Variants in ARHGEF3 observed in about 807,000 individuals in gnomAD.
ARHGEF3 encodes the protein Rho guanine nucleotide exchange factor 3, also known as 59.8 kDA protein.
Under a neutral mutation model 63.2 loss-of-function variants are expected in ARHGEF3, and 28 were observed. That is an observed-to-expected ratio of 0.44 (90% CI 0.33 to 0.61). The LOEUF (loss-of-function observed/expected upper bound fraction) is 0.61, where lower values mean the gene tolerates loss of function less well. ARHGEF3 is among the 20% of genes least tolerant of loss of function. The pLI is 0.03. For missense variants in ARHGEF3, 533 were observed against 659.3 expected (o/e 0.81, Z 2.10); for synonymous variants, 266 against 254.2 (o/e 1.05, Z -0.44).
chr3:56,969,373 CTTTTTTTCTT>C (rs1700805639), intron 2 of ARHGEF3, among the ~76,000 whole-genome samples: 2 of 113,734 alleles, frequency 1.8e-5, no homozygotes, highest in Non-Finnish European at 3.8e-5. Context: ...AAGAAGTGTT[CTTTTTTTCTT>C]ATTGATTGAT....
intron 3 of ARHGEF3, among the ~76,000 whole-genome samples, chr3:56,906,846 AAAG>A (rs916679639): frequency 4.6e-5 from 7 of 151,510 alleles, no homozygotes; most frequent in African/African-American, 1.7e-4. Flanking sequence ...CAAAAAAAAA[AAAG>A]AAAGAAAGAA....
intron 1 of ARHGEF3, among the ~76,000 whole-genome samples, chr3:56,780,632 T>TTGTC (rs138313905): frequency 0.09 from 13,624 of 152,222 alleles, 764 homozygotes; most frequent in East Asian, 0.24. Flanking sequence ...CTCTGTCTTG[T>TTGTC]TGTCTTTCAT....
intron 1 of ARHGEF3, among the ~76,000 whole-genome samples, chr3:57,059,644 C>A (rs1371955266): frequency 6.6e-6 from 1 of 152,156 alleles, no homozygotes; most frequent in Non-Finnish European, 1.5e-5. Flanking sequence ...AAGCACATTT[C>A]CTCTTCTGCA....
chr3:56,810,755 T>C (rs1280646138), intron 4 of ARHGEF3, among the ~76,000 whole-genome samples: 3 of 152,278 alleles, frequency 2.0e-5, no homozygotes, highest in South Asian at 2.1e-4. Flanking sequence ...TGCTGTGAAA[T>C]TGACTAAGAA....
chr3:56,749,882 G>A (rs775442530), intron 6 of ARHGEF3, among the ~76,000 whole-genome samples: 5 of 150,052 alleles, frequency 3.3e-5, no homozygotes, highest in African/African-American at 1.0e-4. Flanking sequence ...ATTGAGAAAC[G>A]TAAGTTAAAA....
chr3:56,970,384 A>C (rs899022965), intron 2 of ARHGEF3, among the ~76,000 whole-genome samples: 8 of 152,228 alleles, frequency 5.3e-5, no homozygotes, highest in African/African-American at 1.9e-4. Flanking sequence ...AATTCAGTAA[A>C]TAAGCTGAGA....
At chr3:57,016,983 G>A (rs1231337745) in intron 2 of ARHGEF3, among the ~76,000 whole-genome samples, 1 of 149,180 alleles carries the variant, frequency 6.7e-6, no homozygotes, top group African/African-American at 2.6e-5. Flanking sequence ...TGGTGGGGGA[G>A]AGAGAGGAAA....
chr3:56,906,975 ATTTTTTT>A (rs368006965), intron 3 of ARHGEF3, among the ~76,000 whole-genome samples: 5 of 72,366 alleles, frequency 6.9e-5, no homozygotes, highest in Admixed American at 3.4e-4. Context: ...CTCACATTCT[ATTTTTTT>A]TTTTTTTTTT....
chr3:56,952,951 G>C (rs1366279754), intron 3 of ARHGEF3, among the ~76,000 whole-genome samples: 3 of 152,170 alleles, frequency 2.0e-5, no homozygotes, highest in African/African-American at 7.2e-5. Context: ...TAACGGCCTG[G>C]GAACAGAAAG....
intron 1 of ARHGEF3, among the ~76,000 whole-genome samples, chr3:57,036,333 C>T (rs1400751457): frequency 6.6e-6 from 1 of 152,072 alleles, no homozygotes; most frequent in Non-Finnish European, 1.5e-5. Flanking sequence ...CATTCGGGTG[C>T]ATGACGCCCA....
intron 1 of ARHGEF3, among the ~76,000 whole-genome samples, chr3:57,057,687 C>A (rs1015446949): frequency 5.9e-5 from 9 of 152,178 alleles, no homozygotes; most frequent in African/African-American, 2.2e-4. Context: ...AATGTACCCT[C>A]TGTGCCACAC....
At chr3:56,823,273 CTTGT>C (rs1370074341) in intron 4 of ARHGEF3, among the ~76,000 whole-genome samples, 3 of 152,168 alleles carry the variant, frequency 2.0e-5, no homozygotes, top group Non-Finnish European at 4.4e-5. Context: ...TCTATAAAGG[CTTGT>C]TTAATGATTG....
At chr3:56,970,752 T>C (rs1208200617) in intron 2 of ARHGEF3, among the ~76,000 whole-genome samples, 1 of 152,238 alleles carries the variant, frequency 6.6e-6, no homozygotes, top group Non-Finnish European at 1.5e-5. Flanking sequence ...GAAGGAGAAC[T>C]GCAATAGTCA....
intron 1 of ARHGEF3, among the ~76,000 whole-genome samples, chr3:56,791,542 A>G (rs186859097): frequency 6.6e-6 from 1 of 152,212 alleles, no homozygotes; most frequent in Non-Finnish European, 1.5e-5. Context: ...TCTCACATCA[A>G]ATTTAAAGTA....
chr3:56,877,545 A>T lies in ARHGEF3; in HGVS notation c.192+4747T>A, dbSNP rs943393131. Among the ~76,000 whole-genome samples, 8 of 151,380 alleles carry T rather than the reference A, an allele frequency of 5.3e-5. No individual in the cohort carries two copies. The East Asian group carries it at 7.8e-4, about 15-fold the overall frequency. On this transcript the variant is annotated intron_variant, in intron 4 of 12. Coordinates refer to the ARHGEF3 transcript ENST00000338458. Reference sequence around the variant, plus strand: ...CATCACCATACCTGGCTAATTTTTTATTTTTTTTGTAGAAACAGGATCTCC... The same window carrying T: ...CATCACCATACCTGGCTAATTTTTTTTTTTTTTTGTAGAAACAGGATCTCC...
At chr3:57,002,224 T>A (rs73088037) in intron 2 of ARHGEF3, among the ~76,000 whole-genome samples, 15,088 of 150,724 alleles carry the variant, frequency 0.1, 1,020 homozygotes, top group Admixed American at 0.18. Context: ...ATAGTATTTT[T>A]AAAAAAACTT....
In ARHGEF3 at chr3:57,015,123, A is replaced by G. The variant is rs34485134; in HGVS notation, c.62+19965T>C. Among the ~76,000 whole-genome samples the G allele has an allele frequency of 5.5e-3, 837 of 152,302 alleles. 1 individual carries two copies. Among genetic ancestry groups the G allele is most frequent in the Non-Finnish European group, 7.6e-3 (516 of 68,040 alleles). On this transcript the variant is annotated intron_variant, in intron 2 of 12. Coordinates refer to the ARHGEF3 transcript ENST00000338458. ...CAAATCCAGCCGTCTGCCAGTTTAC[A>G]TAACGTTTTACTGGTATACAGCCAC... is the stretch of plus-strand genomic sequence containing the variant.
intron 2 of ARHGEF3, among the ~76,000 whole-genome samples, chr3:56,760,655 C>T (rs1433436071): frequency 6.6e-6 from 1 of 152,136 alleles, no homozygotes; most frequent in Non-Finnish European, 1.5e-5. Flanking sequence ...TTGAGGGAGG[C>T]TAAGATTCAA....
intron 2 of ARHGEF3, among the ~76,000 whole-genome samples, chr3:57,016,689 C>T (rs1266129764): frequency 2.0e-5 from 3 of 152,162 alleles, no homozygotes; most frequent in African/African-American, 7.2e-5. Flanking sequence ...TCAGCTGGTG[C>T]TAAGCACAGT....
Sources: allele counts gnomAD v4.1 joint callset (sites outside exome capture counted in the v4.1 genomes callset), GRCh38; gene constraint gnomAD v4.1.1; transcripts MANE v1.5; gene names NCBI Gene and HGNC (gene_info 2026-07-23, HGNC 2026-07-21).